The following CRISPLD2 variants were observed in gnomAD, a reference collection of about 807,000 sequenced individuals.
The protein encoded by CRISPLD2 is cysteine-rich secretory protein LCCL domain-containing 2.
A neutral mutation model predicts 71.1 loss-of-function variants in CRISPLD2; 47 were observed. The ratio of observed to expected loss-of-function variants is 0.66; its 90% confidence interval spans 0.52 to 0.84. The LOEUF (loss-of-function observed/expected upper bound fraction) is 0.84. Ranked by LOEUF, CRISPLD2 falls within the 40% of genes least tolerant of loss-of-function variation. CRISPLD2 has a pLI of 0.00. For synonymous variants in CRISPLD2, 317 were observed against 250.1 expected (o/e 1.27, Z -2.52); for missense variants, 830 against 651.1 (o/e 1.27, Z -2.99).
intron 14 of CRISPLD2, among the ~76,000 whole-genome samples, chr16:84,894,875 C>T (rs551059813): frequency 7.2e-5 from 11 of 152,062 alleles, no homozygotes; most frequent in South Asian, 2.1e-4. Flanking sequence ...AACTCAGCAC[C>T]GAGAATCTCA....
intron 12 of CRISPLD2, 70 bp from the exon 13 acceptor site, chr16:84,880,439 A>C (rs1226577507): frequency 7.3e-6 from 9 of 1,241,334 alleles, no homozygotes; most frequent in Non-Finnish European, 1.0e-5. Context: ...AATTCAAATA[A>C]AGAGAGCCAG....
intron 11 of CRISPLD2, among the ~76,000 whole-genome samples, chr16:84,874,431 C>G (rs943187586): frequency 1.3e-5 from 2 of 152,172 alleles, no homozygotes; most frequent in African/African-American, 4.8e-5. Context: ...TCTGGCCCAG[C>G]TTTTTACATT....
chr16:84,875,626 A>G (rs2071511806), intron 11 of CRISPLD2, among the ~76,000 whole-genome samples: 2 of 151,324 alleles, frequency 1.3e-5, no homozygotes, highest in South Asian at 4.2e-4. Flanking sequence ...GCGCAATTTC[A>G]GCTCACTGCA....
At chr16:84,906,177 A>C (rs2143400228) in intron 14 of CRISPLD2, among the ~76,000 whole-genome samples, 1 of 152,094 alleles carries the variant, frequency 6.6e-6, no homozygotes, top group South Asian at 2.1e-4. Context: ...GGAAGGTGGA[A>C]GGCGGTGAAG....
chr16:84,842,309 TGCCC>T (rs1189518927), intron 2 of CRISPLD2: 2 of 86,928 alleles, frequency 2.3e-5, no homozygotes, highest in Admixed American at 2.9e-4. Context: ...CCTGCCTGCC[TGCCC>T]GCCCTCCGTC....
In CRISPLD2 at chr16:84,854,845, C is replaced by T; in HGVS notation, c.709+16C>T. 3 of 1,592,196 alleles carry T rather than the reference C, an allele frequency of 1.9e-6. No individual in the cohort carries two copies. The highest frequency in any genetic ancestry group is 2.6e-6 in the Non-Finnish European group (3 of 1,160,044). ...TGTTACCGAGGTAGGAAATTTACTC[C>T]CAACACTTTTGCAATGAATTTGCCC... On this transcript the variant is annotated intron_variant, in intron 6 of 14. Coordinates refer to ENST00000262424, the MANE Select transcript of CRISPLD2 (RefSeq NM_031476.4).
chr16:84,881,204 A>G (rs2071565898), intron 13 of CRISPLD2, among the ~76,000 whole-genome samples: 1 of 152,152 alleles, frequency 6.6e-6, no homozygotes, highest in African/African-American at 2.4e-5. Flanking sequence ...TCATCTTCCC[A>G]GCTCTCCGGA....
At chr16:84,889,907 G>T (rs1031569424) in intron 14 of CRISPLD2, among the ~76,000 whole-genome samples, 1 of 152,096 alleles carries the variant, frequency 6.6e-6, no homozygotes, top group African/African-American at 2.4e-5. Flanking sequence ...GAGTCCAACA[G>T]ACCTGGGCCC....
Position 84,869,048 on chromosome 16 carries a change from G to T in CRISPLD2, c.914+137G>T, listed in dbSNP as rs2071442042. 7 of 732,722 alleles carry T rather than the reference G, an allele frequency of 9.6e-6. No individual in the cohort carries two copies. In the Middle Eastern group the frequency reaches 1.1e-3, roughly 111 times the overall value. The allele number at this position is 732,722 out of a possible 1,614,324, so 45.4% of individuals were successfully genotyped here. On this transcript the variant is annotated intron_variant, in intron 8 of 14. Coordinates refer to ENST00000262424, the MANE Select transcript of CRISPLD2 (RefSeq NM_031476.4). Reference sequence around the variant, plus strand: ...CAAGCTGCTCTCAGCAGGCAGAACAGGGGTTAGGGCTGGGCAGTGTCTGGG... The same window carrying T: ...CAAGCTGCTCTCAGCAGGCAGAACATGGGTTAGGGCTGGGCAGTGTCTGGG...
intron 5 of CRISPLD2, among the ~76,000 whole-genome samples, chr16:84,852,764 T>C (rs1376711272): frequency 6.6e-6 from 1 of 152,078 alleles, no homozygotes; most frequent in African/African-American, 2.4e-5. Flanking sequence ...TACTTCACGG[T>C]GCTATTCAAA....
At chr16:84,867,588 TG>T (rs937643807) in intron 7 of CRISPLD2, among the ~76,000 whole-genome samples, 1 of 152,220 alleles carries the variant, frequency 6.6e-6, no homozygotes, top group Non-Finnish European at 1.5e-5. Context: ...TTTTTTGAGA[TG>T]GAGTTTCGCT....
Position 84,875,257 on chromosome 16 carries a change from A to ATATGTGTGTGTG in CRISPLD2, c.1156+1295_1156+1296insATGTGTGTGTGT, listed in dbSNP as rs1555564055. 2.8e-3 allele frequency among the ~76,000 whole-genome samples: 408 copies of ATATGTGTGTGTG among 148,328 alleles called. 4 individuals carry two copies. Among genetic ancestry groups the ATATGTGTGTGTG allele is most frequent in the African/African-American group, 9.7e-3 (386 of 39,872 alleles). On this transcript the variant is annotated intron_variant, in intron 11 of 14. Transcript: ENST00000262424. ...CCCTGTCTCAAAAAAATATATACAT[A>ATATGTGTGTGTG]TGTGTGTGTGTGTGTGTGTGTGTCA... is the stretch of plus-strand genomic sequence containing the variant.
At chr16:84,877,993 G>A (rs370293172) in intron 12 of CRISPLD2, among the ~76,000 whole-genome samples, 2 of 150,394 alleles carry the variant, frequency 1.3e-5, no homozygotes, top group African/African-American at 4.9e-5. Flanking sequence ...GGCGGATCAC[G>A]AGGTCAGGAG....
intron 8 of CRISPLD2, among the ~76,000 whole-genome samples, chr16:84,871,488 G>A (rs1465130683): frequency 6.6e-6 from 1 of 152,180 alleles, no homozygotes; most frequent in Non-Finnish European, 1.5e-5. Flanking sequence ...ACAGTGAGCT[G>A]TGATTGCGCT....
At chr16:84,824,758 C>A (rs1393175180) in intron 1 of CRISPLD2, among the ~76,000 whole-genome samples, 1 of 152,162 alleles carries the variant, frequency 6.6e-6, no homozygotes, top group South Asian at 2.1e-4. Context: ...AGAAAGTTAC[C>A]TTTTTAAAGT....
intron 5 of CRISPLD2, among the ~76,000 whole-genome samples, chr16:84,851,064 C>T (rs148328050): frequency 2.6e-5 from 4 of 152,358 alleles, no homozygotes; most frequent in East Asian, 1.9e-4. Flanking sequence ...ATTGCCCCAA[C>T]TGGCTTTGCA....
intron 10 of CRISPLD2, chr16:84,873,492 G>GA (rs2071490263): frequency 7.7e-5 from 3 of 39,106 alleles, no homozygotes; most frequent in East Asian, 1.4e-3. Context: ...AAAAAAAAAA[G>GA]AAAACAACAA....
chr16:84,848,714 G>A (rs899800546), intron 3 of CRISPLD2, among the ~76,000 whole-genome samples: 2 of 152,164 alleles, frequency 1.3e-5, no homozygotes, highest in African/African-American at 4.8e-5. Flanking sequence ...GTGCTGGGAT[G>A]ACAGGCATGA....
At chr16:84,845,439 A>G (rs1483999329) in intron 2 of CRISPLD2, among the ~76,000 whole-genome samples, 2 of 152,226 alleles carry the variant, frequency 1.3e-5, no homozygotes, top group Non-Finnish European at 2.9e-5. Flanking sequence ...GACCGTCCCT[A>G]GAGATGGCTG....
Sources: gnomAD v4.1 joint callset for allele counts (sites outside exome capture counted in the v4.1 genomes callset) on GRCh38, gnomAD v4.1.1 for gene constraint, MANE v1.5 for transcripts, NCBI Gene and HGNC (gene_info 2026-07-23, HGNC 2026-07-21) for gene names.